The following GUCY1A2 variants were observed in gnomAD, a reference collection of about 807,000 sequenced individuals.
GUCY1A2 encodes guanylate cyclase 1 soluble subunit alpha 2, also known as guanylate cyclase soluble subunit alpha-2.
GUCY1A2 carries 27 observed loss-of-function variants against 63.5 expected under a neutral mutation model. The observed-to-expected ratio is 0.43, with a 90% CI of 0.31 to 0.59. The LOEUF (loss-of-function observed/expected upper bound fraction) is 0.59, where lower values mean the gene tolerates loss of function less well. Ranked by LOEUF, GUCY1A2 falls within the 20% of genes least tolerant of loss-of-function variation. The probability of loss-of-function intolerance (pLI) is 0.11; values close to 1 mark genes in which losing one functional copy is unlikely to be tolerated. For synonymous variants in GUCY1A2, 364 were observed against 343.5 expected (o/e 1.06, Z -0.66); for missense variants, 768 against 913.3 (o/e 0.84, Z 2.05).
intron 6 of GUCY1A2, among the ~76,000 whole-genome samples, chr11:106,711,995 T>A (rs1863128260): frequency 6.6e-6 from 1 of 152,152 alleles, no homozygotes. Flanking sequence ...TTTAGGTAAT[T>A]TAGTTATGAT....
intron 3 of GUCY1A2, among the ~76,000 whole-genome samples, chr11:106,960,597 T>C (rs759201412): frequency 6.6e-6 from 1 of 152,248 alleles, no homozygotes; most frequent in Non-Finnish European, 1.5e-5. Context: ...CAGGTTCCTT[T>C]ACATTTTAAT....
chr11:106,940,578 G>C (rs1436632515), intron 3 of GUCY1A2, among the ~76,000 whole-genome samples: 2 of 152,064 alleles, frequency 1.3e-5, no homozygotes, highest in African/African-American at 2.4e-5. Context: ...GAACCTACAT[G>C]ATGCATTATT....
chr11:106,782,495 G>C (rs1864482815), intron 5 of GUCY1A2, among the ~76,000 whole-genome samples: 1 of 152,118 alleles, frequency 6.6e-6, no homozygotes, highest in Non-Finnish European at 1.5e-5. Context: ...TGGGCTTATT[G>C]GCTGTCACCA....
chr11:106,926,222 C>A (rs1197696488), intron 4 of GUCY1A2, among the ~76,000 whole-genome samples: 1 of 152,076 alleles, frequency 6.6e-6, no homozygotes, highest in Non-Finnish European at 1.5e-5. Context: ...GAGTTCTAGA[C>A]CAGCCTGGCC....
chr11:106,909,252 ATTTCTCCAAT>A (rs141981478), intron 4 of GUCY1A2, among the ~76,000 whole-genome samples: 8 of 151,898 alleles, frequency 5.3e-5, no homozygotes, highest in Non-Finnish European at 8.8e-5. Flanking sequence ...CCCTTTACTC[ATTTCTCCAAT>A]GGTTACACCT....
intron 7 of GUCY1A2, among the ~76,000 whole-genome samples, chr11:106,696,228 T>C (rs570663458): frequency 6.6e-6 from 1 of 152,334 alleles, no homozygotes; most frequent in African/African-American, 2.4e-5. Flanking sequence ...TTTAACAGCC[T>C]AAAAACTCCA....
Position 106,683,588 on chromosome 11 carries a change from A to G in GUCY1A2, c.*3961T>C, listed in dbSNP as rs950388403. The stretch of plus-strand genomic sequence containing the variant: ...GGCACCAGCAACCCTTTCTGTAGCC[A>G]TTCTGGGTTCAGAAGTGAAGAGAGA... On this transcript the variant is annotated 3_prime_UTR_variant, in exon 8 of 8. Coordinates refer to ENST00000526355, the MANE Select transcript of GUCY1A2 (RefSeq NM_000855.3). The G allele has an allele frequency of 8.8e-6, 2 of 228,468 alleles. No homozygotes were observed. The highest frequency in any genetic ancestry group is 1.1e-4 in the Admixed American group (2 of 17,578). 14.2% of individuals were successfully genotyped at this position (228,468 alleles called of 1,614,324 possible). A position where few individuals can be genotyped will look rare whatever the true frequency, so the allele number is the denominator to read the frequency against.
intron 5 of GUCY1A2, among the ~76,000 whole-genome samples, chr11:106,802,362 G>T (rs1858617488): frequency 6.6e-6 from 1 of 152,150 alleles, no homozygotes. Flanking sequence ...ACAAAAGAGA[G>T]ATACTGTGCA....
At chr11:106,953,015 C>A (rs766324034) in intron 3 of GUCY1A2, among the ~76,000 whole-genome samples, 1 of 152,158 alleles carries the variant, frequency 6.6e-6, no homozygotes, top group Non-Finnish European at 1.5e-5. Context: ...TTTGAATACC[C>A]TTTATTTCTT....
intron 4 of GUCY1A2, among the ~76,000 whole-genome samples, chr11:106,861,371 G>A (rs1346247673): frequency 6.6e-6 from 1 of 151,986 alleles, no homozygotes; most frequent in Non-Finnish European, 1.5e-5. Flanking sequence ...AGTCTGTTGT[G>A]TGTACTCAAT....
intron 1 of GUCY1A2, among the ~76,000 whole-genome samples, chr11:106,993,101 G>A (rs1202875386): frequency 6.6e-6 from 1 of 152,156 alleles, no homozygotes; most frequent in Non-Finnish European, 1.5e-5. Context: ...GTGTGAATGA[G>A]CTTCTCTACA....
intron 6 of GUCY1A2, among the ~76,000 whole-genome samples, chr11:106,764,905 C>G (rs896315469): frequency 1.5e-4 from 20 of 137,526 alleles, no homozygotes; most frequent in African/African-American, 5.6e-4. Flanking sequence ...ATTATATAAA[C>G]TTTCTAAATC....
chr11:106,906,931 G>A (rs1390635530), intron 4 of GUCY1A2, among the ~76,000 whole-genome samples: 1 of 152,100 alleles, frequency 6.6e-6, no homozygotes, highest in Non-Finnish European at 1.5e-5. Context: ...ATTGGGGCCT[G>A]TCAGAGGGTT....
chr11:106,791,064 T>C (rs1864650424), intron 5 of GUCY1A2, among the ~76,000 whole-genome samples: 1 of 152,172 alleles, frequency 6.6e-6, no homozygotes, highest in African/African-American at 2.4e-5. Flanking sequence ...CTTGCAGTAC[T>C]TGTGGCCTGG....
Position 106,956,245 on chromosome 11 carries a change from T to C in GUCY1A2, c.488-16067A>G, listed in dbSNP as rs376630088. ...TAGAACAAGCTCCTTTAGCTCATCA[T>C]AGTTTTTTATTATCCATCTTCTGAA... On this transcript the variant is annotated intron_variant, in intron 3 of 7. Transcript: ENST00000526355. 2.6e-5 allele frequency among the ~76,000 whole-genome samples: 4 copies of C among 152,140 alleles called. No individual in the cohort carries two copies. The East Asian group carries it at 5.9e-4, about 22-fold the overall frequency.
chr11:106,989,988 A>T (rs1861450740), intron 1 of GUCY1A2, among the ~76,000 whole-genome samples: 2 of 152,184 alleles, frequency 1.3e-5, no homozygotes, highest in Admixed American at 1.3e-4. Context: ...GTGGCCTACT[A>T]ATTTTATAGC....
At chr11:106,926,639 G>A (rs971539598) in intron 4 of GUCY1A2, among the ~76,000 whole-genome samples, 1 of 151,648 alleles carries the variant, frequency 6.6e-6, no homozygotes, top group Non-Finnish European at 1.5e-5. Context: ...CTTAAAGAAG[G>A]CTCCGAACAC....
intron 1 of GUCY1A2, among the ~76,000 whole-genome samples, chr11:106,996,600 C>T (rs1861542171): frequency 6.6e-6 from 1 of 152,198 alleles, no homozygotes; most frequent in Non-Finnish European, 1.5e-5. Flanking sequence ...ACACATTTCA[C>T]AGTTACTTCT....
intron 1 of GUCY1A2, among the ~76,000 whole-genome samples, chr11:107,009,041 C>A (rs1469295090): frequency 6.6e-6 from 1 of 152,170 alleles, no homozygotes; most frequent in Non-Finnish European, 1.5e-5. Context: ...AGATAACTTC[C>A]TTTCATGATA....
Sources: gnomAD v4.1 joint callset for allele counts (sites outside exome capture counted in the v4.1 genomes callset) on GRCh38, gnomAD v4.1.1 for gene constraint, MANE v1.5 for transcripts, NCBI Gene and HGNC (gene_info 2026-07-23, HGNC 2026-07-21) for gene names.